Variants in SHOX observed in about 807,000 individuals in gnomAD.
SHOX encodes the protein short stature homeobox protein.
In SHOX, 12 loss-of-function variants were observed where a neutral mutation model predicts 29.6. The observed-to-expected ratio is 0.41, with a 90% confidence interval of 0.26 to 0.66. The LOEUF is 0.66. SHOX is among the 30% of genes least tolerant of loss of function. The probability of loss-of-function intolerance (pLI) is 0.35; values close to 1 mark genes in which losing one functional copy is unlikely to be tolerated. For synonymous variants in SHOX, 214 were observed against 200.6 expected, an observed-to-expected ratio of 1.07 and a Z score of -0.57; for missense variants, 499 against 437.7, an observed-to-expected ratio of 1.14 and a Z score of -1.25.
Position 630,956 on chromosome X carries a change from A to C in SHOX, c.59A>C (p.Asn20Thr). The C allele has an allele frequency of 1.2e-6, 2 of 1,613,848 alleles. No individual in the cohort carries two copies. The highest frequency in any genetic ancestry group is 1.7e-6 in the Non-Finnish European group (2 of 1,179,854). The part of the protein sequence containing the change: ...KSFDQKSKDG[N>T]GGGGGGGGKK... ...TTTGACCAGAAAAGCAAGGACGGTA[A>C]CGGCGGAGGCGGAGGCGGCGGAGGT... Residue 20 changes from asparagine to threonine, a missense_variant, in exon 1 of 5, where the codon AAC (asparagine) becomes ACC (threonine). Coordinates refer to ENST00000686671, the MANE Select transcript of SHOX (RefSeq NM_000451.4).
chrX:638,362 G>T (rs1217677666), intron 2 of SHOX, among the ~76,000 whole-genome samples: 1 of 152,056 alleles, frequency 6.6e-6, no homozygotes, highest in African/African-American at 2.4e-5. Context: ...CTTTTGGGTG[G>T]CTGGCTTGCT....
chrX:651,435 C>G lies in SHOX; in HGVS notation c.*6799C>G, dbSNP rs774236885. Reference sequence around the variant, plus strand: ...CAGAAAAAAAAACCAAAAAAAACCACCCTGAGTTTCTCTGGTGACGCCCTC... The same window carrying G: ...CAGAAAAAAAAACCAAAAAAAACCAGCCTGAGTTTCTCTGGTGACGCCCTC... On this transcript the variant is annotated 3_prime_UTR_variant, in exon 5 of 5. Coordinates refer to ENST00000686671, the MANE Select transcript of SHOX (RefSeq NM_000451.4). 6.6e-6 allele frequency: 3 copies of G among 453,342 alleles called. No homozygotes were observed. Among genetic ancestry groups the G allele is most frequent in the South Asian group, 4.7e-5 (3 of 63,638 alleles). 28.1% of individuals were successfully genotyped at this position (453,342 alleles called of 1,614,324 possible).
At chrX:630,158 C>A, upstream of SHOX, among the ~76,000 whole-genome samples, 1 of 152,298 alleles carries the variant, frequency 6.6e-6, no homozygotes, top group South Asian at 2.1e-4. Flanking sequence ...CAAGCGCCCG[C>A]GTCCCGGTTT....
chrX:644,933 G>A lies in SHOX; in HGVS notation c.*297G>A, dbSNP rs1179258989. The A allele has an allele frequency of 7.2e-6, 3 of 416,582 alleles. No individual in the cohort carries two copies. The highest frequency in any genetic ancestry group is 9.3e-5 in the Admixed American group (2 of 21,464). The allele number at this position is 416,582 out of a possible 1,614,324, so 25.8% of individuals were successfully genotyped here. A position where few individuals can be genotyped will look rare whatever the true frequency, so the allele number is the denominator to read the frequency against. ...GGACCCTGGAGAAGGGTAAACCCCC[G>A]CCTGGCTGCGTCTTCCTCTGCTATA... On this transcript the variant is annotated 3_prime_UTR_variant, in exon 5 of 5. Transcript: ENST00000686671.
upstream of SHOX, among the ~76,000 whole-genome samples, chrX:625,807 C>T (rs865987139): frequency 2.6e-4 from 38 of 146,976 alleles, no homozygotes; most frequent in Middle Eastern, 3.8e-3. Flanking sequence ...CTCTCTGTGT[C>T]TCTGTCTCTG....
downstream of SHOX, among the ~76,000 whole-genome samples, chrX:654,738 G>A (rs1049725854): frequency 2.2e-4 from 34 of 152,148 alleles, no homozygotes; most frequent in African/African-American, 7.7e-4. Context: ...AGGCTGGAGT[G>A]CAGTGGCGTG....
At chrX:625,076 T>TCC (rs2052495657) in intron 1 of SHOX, among the ~76,000 whole-genome samples, 1 of 119,020 alleles carries the variant, frequency 8.4e-6, no homozygotes, top group African/African-American at 3.4e-5. Flanking sequence ...CCTCCCTCCT[T>TCC]CTCTCCCTCC....
chrX:625,306 A>T (rs28379110), intron 1 of SHOX, among the ~76,000 whole-genome samples: 13,885 of 148,706 alleles, frequency 0.093, 2,176 homozygotes, highest in African/African-American at 0.33. Flanking sequence ...TTTTATTCGC[A>T]GTCGTTGTTT....
At chrX:631,464 G>GA (rs2052647335) in intron 1 of SHOX, among the ~76,000 whole-genome samples, 1 of 152,152 alleles carries the variant, frequency 6.6e-6, no homozygotes, top group Non-Finnish European at 1.5e-5. Flanking sequence ...GTGGATCCGG[G>GA]TGGCTGTGCC....
chrX:632,118 C>T, intron 1 of SHOX: 1 of 397,684 alleles, frequency 2.5e-6, no homozygotes, highest in Non-Finnish European at 5.1e-6. Flanking sequence ...ATAAAAACCA[C>T]TCCCGTGAGC....
intron 4 of SHOX, among the ~76,000 whole-genome samples, chrX:642,290 G>A (rs1337728799): frequency 6.6e-6 from 1 of 151,620 alleles, no homozygotes; most frequent in Non-Finnish European, 1.5e-5. Flanking sequence ...ATGCGCGGGC[G>A]GAACGGGCTT....
intron 1 of SHOX, among the ~76,000 whole-genome samples, chrX:625,513 C>T (rs1173534598): frequency 6.6e-6 from 1 of 151,654 alleles, no homozygotes; most frequent in African/African-American, 2.4e-5. Flanking sequence ...CGCTATTTTT[C>T]TCTGTCTATC....
chrX:630,204 T>C (rs907388492), upstream of SHOX, among the ~76,000 whole-genome samples: 1 of 152,054 alleles, frequency 6.6e-6, no homozygotes, highest in Non-Finnish European at 1.5e-5. Flanking sequence ...CTTTCGGGGA[T>C]TCTCCAGCCG....
At chrX:642,536 A>C (rs935120686) in intron 4 of SHOX, among the ~76,000 whole-genome samples, 1 of 152,176 alleles carries the variant, frequency 6.6e-6, no homozygotes, top group African/African-American at 2.4e-5. Flanking sequence ...CCAGGCCCGA[A>C]GGAGAGGGGT....
chrX:642,498 C>A (rs949439419), intron 4 of SHOX, among the ~76,000 whole-genome samples: 5 of 152,174 alleles, frequency 3.3e-5, no homozygotes, highest in African/African-American at 1.2e-4. Flanking sequence ...GAGCGCTGGT[C>A]GCCGCTAGCT....
chrX:650,592 A>T lies in SHOX; in HGVS notation c.*5956A>T, dbSNP rs1470026878. 6.6e-6 allele frequency among the ~76,000 whole-genome samples: 1 copy of T among 151,598 alleles called. No individual in the cohort carries two copies. The highest frequency in any genetic ancestry group is 1.5e-5 in the Non-Finnish European group (1 of 67,958). On this transcript the variant is annotated 3_prime_UTR_variant, in exon 5 of 5. Transcript: ENST00000686671. The stretch of plus-strand genomic sequence containing the variant: ...TCTGGGTTTCATGCTGACCTTTCTA[A>T]CATTTGTTTTCCCCTAAGAACAAGC...
chrX:644,180 G>A (rs1482589508), intron 4 of SHOX, among the ~76,000 whole-genome samples: 6 of 152,178 alleles, frequency 3.9e-5, no homozygotes, highest in African/African-American at 1.4e-4. Flanking sequence ...GGATTCCCCT[G>A]GCCCGGCTCC....
At chrX:655,420 C>T (rs918563274), downstream of SHOX, among the ~76,000 whole-genome samples, 3 of 151,462 alleles carry the variant, frequency 2.0e-5, no homozygotes, top group African/African-American at 7.3e-5. Context: ...GCCTCAGCAA[C>T]AAAGTGAGAC....
At chrX:658,502 G>A (rs28535006) in intron 5 of SHOX, among the ~76,000 whole-genome samples, 11,881 of 141,490 alleles carry the variant, frequency 0.084, 635 homozygotes, top group African/African-American at 0.16. Context: ...ACGGAGTCTC[G>A]CTCTGTCACC....
Sources: allele counts gnomAD v4.1 joint callset (sites outside exome capture counted in the v4.1 genomes callset), GRCh38; gene constraint gnomAD v4.1.1; transcripts MANE v1.5; gene names NCBI Gene and HGNC (gene_info 2026-07-23, HGNC 2026-07-21).